PCDHA8: variants seen among roughly 807,000 people sequenced by gnomAD.
The protein encoded by PCDHA8 is protocadherin alpha 8.
A neutral mutation model predicts 61.8 loss-of-function variants in PCDHA8; 53 were observed. The ratio of observed to expected loss-of-function variants is 0.86; its 90% CI spans 0.69 to 1.08. The LOEUF is 1.08. PCDHA8 is among the 50% of genes least tolerant of loss of function. The pLI, the probability that PCDHA8 is intolerant of heterozygous loss-of-function variation, is 0.00. For synonymous variants in PCDHA8, 618 were observed against 556.6 expected, an observed-to-expected ratio of 1.11 and a Z score of -1.55; for missense variants, 1,293 against 1,245.0, an observed-to-expected ratio of 1.04 and a Z score of -0.58.
chr5:140,869,396 A>C (rs782754440), intron 1 of PCDHA8: 18 of 1,614,242 alleles, frequency 1.1e-5, no homozygotes, highest in East Asian at 2.2e-5. Flanking sequence ...CTGTGCGGGC[A>C]GAGCGCGGAG....
intron 1 of PCDHA8, chr5:140,853,216 G>T: frequency 1.0e-6 from 1 of 983,832 alleles, no homozygotes; most frequent in Non-Finnish European, 1.2e-6. Context: ...TGTATTGATG[G>T]GATTGGTAAT....
intron 1 of PCDHA8, chr5:140,927,896 A>T: frequency 1.2e-6 from 2 of 1,614,200 alleles, no homozygotes; most frequent in Non-Finnish European, 1.7e-6. Flanking sequence ...GACGTGAACG[A>T]TCATGCCCCC....
intron 1 of PCDHA8, among the ~76,000 whole-genome samples, chr5:140,919,297 G>C (rs1351756549): frequency 6.6e-6 from 1 of 152,120 alleles, no homozygotes; most frequent in African/African-American, 2.4e-5. Context: ...GTTGCTGTTT[G>C]TACAATATAT....
At chr5:140,882,629 G>C in intron 1 of PCDHA8, 1 of 1,614,254 alleles carries the variant, frequency 6.2e-7, no homozygotes, top group Non-Finnish European at 8.5e-7. Context: ...CCATGTGGAG[G>C]TGAAGGTGAG....
chr5:140,985,389 C>T (rs1376347712), intron 3 of PCDHA8, among the ~76,000 whole-genome samples: 1 of 152,266 alleles, frequency 6.6e-6, no homozygotes, highest in African/African-American at 2.4e-5. Context: ...AATCCAGTCA[C>T]CCCAACTGTT....
At chr5:140,892,242 C>A (rs1554185127) in intron 1 of PCDHA8, among the ~76,000 whole-genome samples, 3 of 152,034 alleles carry the variant, frequency 2.0e-5, no homozygotes, top group Non-Finnish European at 4.4e-5. Context: ...TCCACATAAA[C>A]CTGGTTATCT....
intron 1 of PCDHA8, chr5:140,857,282 C>T: frequency 6.3e-7 from 1 of 1,598,744 alleles, no homozygotes; most frequent in Non-Finnish European, 8.6e-7. Flanking sequence ...GGACAGCGCT[C>T]TGGACCGCGA....
chr5:140,949,120 T>C (rs782586418), intron 1 of PCDHA8, among the ~76,000 whole-genome samples: 3 of 151,756 alleles, frequency 2.0e-5, no homozygotes, highest in Non-Finnish European at 4.4e-5. Flanking sequence ...ATATTTTTGG[T>C]TTTCCTAGCT....
At chr5:140,913,299 T>A (rs2076283233) in intron 1 of PCDHA8, among the ~76,000 whole-genome samples, 1 of 152,196 alleles carries the variant, frequency 6.6e-6, no homozygotes, top group South Asian at 2.1e-4. Context: ...AATTTCTTCA[T>A]AGATCAACCT....
At chr5:140,887,236 AC>A (rs1394086851) in intron 1 of PCDHA8, among the ~76,000 whole-genome samples, 1 of 151,804 alleles carries the variant, frequency 6.6e-6, no homozygotes, top group Non-Finnish European at 1.5e-5. Flanking sequence ...AGCTGAGACT[AC>A]CGGCGCCCGC....
chr5:140,914,915 T>G (rs1037949691), intron 1 of PCDHA8, among the ~76,000 whole-genome samples: 8 of 151,746 alleles, frequency 5.3e-5, no homozygotes, highest in Non-Finnish European at 1.0e-4. Context: ...TTTCTCTGTG[T>G]CTTATTGTAC....
chr5:140,844,721 G>A (rs2150373473), intron 1 of PCDHA8, among the ~76,000 whole-genome samples: 7 of 149,390 alleles, frequency 4.7e-5, no homozygotes, highest in African/African-American at 1.5e-4. Flanking sequence ...CCATTAGTTC[G>A]TGTAAAAATA....
At chr5:140,869,560 C>T in intron 1 of PCDHA8, 1 of 1,614,158 alleles carries the variant, frequency 6.2e-7, no homozygotes, top group Non-Finnish European at 8.5e-7. Context: ...CTCGCGTTTT[C>T]CACTAGAGGG....
chr5:140,988,694 C>T (rs1328459106), intron 3 of PCDHA8, among the ~76,000 whole-genome samples: 1 of 152,180 alleles, frequency 6.6e-6, no homozygotes, highest in Non-Finnish European at 1.5e-5. Flanking sequence ...CCTAGACGCT[C>T]TGTATTTTCT....
At chr5:140,929,768 C>T (rs534287991) in intron 1 of PCDHA8, 1 of 175,482 alleles carries the variant, frequency 5.7e-6, no homozygotes, top group South Asian at 2.0e-4. Context: ...ACGATAACCA[C>T]AAAAGATGTA....
intron 1 of PCDHA8, among the ~76,000 whole-genome samples, chr5:140,917,076 T>C (rs986884478): frequency 1.3e-5 from 2 of 152,124 alleles, no homozygotes; most frequent in East Asian, 3.9e-4. Flanking sequence ...CCGAGTTTAA[T>C]GTAAAGTTCC....
At chr5:140,869,920 G>A (rs1554163605) in intron 1 of PCDHA8, 2 of 1,611,398 alleles carry the variant, frequency 1.2e-6, no homozygotes, top group Non-Finnish European at 1.7e-6. Flanking sequence ...AGACGAAGGA[G>A]TCAATGGAGA....
At chr5:140,926,613 C>T (rs868988407) in intron 1 of PCDHA8, 87 of 374,818 alleles carry the variant, frequency 2.3e-4, no homozygotes, top group Middle Eastern at 2.1e-3. Context: ...GTCTCTGCAC[C>T]CCTAGGCGGC....
intron 3 of PCDHA8, among the ~76,000 whole-genome samples, chr5:140,982,908 C>A (rs1554244948): frequency 2.0e-5 from 3 of 151,668 alleles, no homozygotes; most frequent in Non-Finnish European, 2.9e-5. Flanking sequence ...GCCTTATGCA[C>A]AGAGATGACA....
Sources: allele counts gnomAD v4.1 joint callset (sites outside exome capture counted in the v4.1 genomes callset), GRCh38; gene constraint gnomAD v4.1.1; transcripts MANE v1.5; gene names NCBI Gene and HGNC (gene_info 2026-07-23, HGNC 2026-07-21).